Variants in FER observed in about 807,000 individuals in gnomAD.
FER encodes tyrosine-protein kinase Fer.
FER carries 63 observed loss-of-function variants against 111.0 expected under a neutral mutation model. The observed-to-expected ratio is 0.57, with a 90% CI of 0.46 to 0.70. FER has a LOEUF of 0.70. Among genes scored for constraint, FER ranks in the 30% least tolerant of loss-of-function variants. The pLI is 0.00. For synonymous variants in FER, 327 were observed against 313.9 expected, an observed-to-expected ratio of 1.04 and a Z score of -0.44; for missense variants, 914 against 954.0, an observed-to-expected ratio of 0.96 and a Z score of 0.55.
intron 14 of FER, among the ~76,000 whole-genome samples, chr5:109,042,605 A>G (rs1414272082): frequency 1.3e-5 from 2 of 152,226 alleles, no homozygotes; most frequent in African/African-American, 4.8e-5. Flanking sequence ...AGTACATGCC[A>G]GTACCTCTTA....
At chr5:109,159,534 A>C (rs964277970) in intron 17 of FER, among the ~76,000 whole-genome samples, 1 of 152,220 alleles carries the variant, frequency 6.6e-6, no homozygotes, top group African/African-American at 2.4e-5. Flanking sequence ...GAGACAATAC[A>C]TGTCAAGAAA....
chr5:108,952,881 G>A (rs182685034), intron 11 of FER, among the ~76,000 whole-genome samples: 29 of 152,144 alleles, frequency 1.9e-4, no homozygotes, highest in Admixed American at 7.2e-4. Flanking sequence ...TCAACAGGTA[G>A]CATCCTTGTT....
chr5:108,816,790 A>G (rs1470232131), intron 3 of FER, among the ~76,000 whole-genome samples: 2 of 152,118 alleles, frequency 1.3e-5, no homozygotes, highest in Non-Finnish European at 2.9e-5. Flanking sequence ...AGAGCCAATA[A>G]TTGGTATTTT....
chr5:108,785,354 G>T, intron 2 of FER: 1 of 580,556 alleles, frequency 1.7e-6, no homozygotes, highest in South Asian at 1.5e-5. Flanking sequence ...GCTCTGTGCT[G>T]CCATGGGCCC....
chr5:108,794,196 C>T (rs58193244), intron 2 of FER, among the ~76,000 whole-genome samples: 35,001 of 151,172 alleles, frequency 0.23, 4,271 homozygotes, highest in African/African-American at 0.29. Context: ...ATTGATTAAT[C>T]CCCCTTAGCA....
intron 17 of FER, among the ~76,000 whole-genome samples, chr5:109,147,798 TATAGAG>T (rs1203866506): frequency 1.0e-3 from 119 of 116,674 alleles, no homozygotes; most frequent in African/African-American, 2.8e-3. Flanking sequence ...TATATATATA[TATAGAG>T]AGAGAGAGAG....
intron 17 of FER, among the ~76,000 whole-genome samples, chr5:109,120,458 G>T (rs1750827973): frequency 6.6e-6 from 1 of 151,950 alleles, no homozygotes; most frequent in African/African-American, 2.4e-5. Flanking sequence ...AATGGTCTTT[G>T]TGTCTATTTT....
chr5:108,773,142 A>T (rs1753107460), intron 2 of FER, among the ~76,000 whole-genome samples: 1 of 152,118 alleles, frequency 6.6e-6, no homozygotes, highest in Non-Finnish European at 1.5e-5. Context: ...TTTTAGGAAG[A>T]GGTAGGGATA....
chr5:108,766,762 G>C (rs1371983361), intron 1 of FER, among the ~76,000 whole-genome samples: 2 of 152,200 alleles, frequency 1.3e-5, no homozygotes, highest in African/African-American at 4.8e-5. Flanking sequence ...ATGGGAGACA[G>C]AGTAGGCAAA....
At chr5:108,826,427 A>AT (rs1405572006) in intron 3 of FER, among the ~76,000 whole-genome samples, 2 of 151,462 alleles carry the variant, frequency 1.3e-5, no homozygotes, top group East Asian at 3.9e-4. Context: ...ATTTATTTTT[A>AT]TTTTTTGTAG....
chr5:108,779,035 C>G (rs1253707903), intron 2 of FER, among the ~76,000 whole-genome samples: 2 of 148,532 alleles, frequency 1.3e-5, no homozygotes, highest in Admixed American at 1.3e-4. Context: ...AAGTGGATGT[C>G]CAATTGTTCT....
chr5:108,941,102 G>A (rs907587160), intron 10 of FER, among the ~76,000 whole-genome samples: 8 of 152,110 alleles, frequency 5.3e-5, no homozygotes, highest in African/African-American at 1.7e-4. Flanking sequence ...CCTAAAGCTG[G>A]TGGATCAGCT....
At chr5:108,780,892 CT>C (rs945476302) in intron 2 of FER, among the ~76,000 whole-genome samples, 37 of 149,758 alleles carry the variant, frequency 2.5e-4, no homozygotes, top group African/African-American at 7.9e-4. Flanking sequence ...CTTAGATATT[CT>C]TTCCTCAGCT....
chr5:109,037,340 T>C, intron 13 of FER, 82 bp from the exon 14 acceptor site: 1 of 1,143,938 alleles, frequency 8.7e-7, no homozygotes, highest in Non-Finnish European at 1.3e-6. Flanking sequence ...TCCCTTTAGG[T>C]CGACTTTCCA....
At position 109,044,660 on chromosome 5, in the gene FER, G is replaced by C; in HGVS notation, c.1714-20G>C. 1 of 1,228,428 alleles carries C rather than the reference G, an allele frequency of 8.1e-7. No homozygotes were observed. The highest frequency in any genetic ancestry group is 1.1e-6 in the Non-Finnish European group (1 of 871,602). The allele number at this position is 1,228,428 out of a possible 1,614,324, so 76.1% of individuals were successfully genotyped here. On this transcript the variant is annotated intron_variant, in intron 14 of 19. Coordinates refer to ENST00000281092, the MANE Select transcript of FER (RefSeq NM_005246.4). ...CATGCTGTCATTTACCCCAGACAAT[G>C]AATGTATTTCTATTTTCAGGGAAAT... is the stretch of plus-strand genomic sequence containing the variant.
At chr5:108,913,375 G>A (rs556375005) in intron 10 of FER, among the ~76,000 whole-genome samples, 1 of 152,276 alleles carries the variant, frequency 6.6e-6, no homozygotes, top group East Asian at 1.9e-4. Context: ...CTAAGCTAAT[G>A]TATAGGGGTA....
chr5:108,845,040 A>T, intron 5 of FER, among the ~76,000 whole-genome samples: 1 of 54,994 alleles, frequency 1.8e-5, no homozygotes, highest in Non-Finnish European at 3.5e-5. Flanking sequence ...ATATATATAT[A>T]CATATATATA....
At chr5:108,819,959 A>G (rs775607681) in intron 3 of FER, 2 of 985,264 alleles carry the variant, frequency 2.0e-6, no homozygotes, top group Non-Finnish European at 2.4e-6. Flanking sequence ...AAAAATATTG[A>G]GCTGATGGGG....
intron 11 of FER, among the ~76,000 whole-genome samples, chr5:108,948,267 T>A (rs371939873): frequency 1.3e-5 from 2 of 152,102 alleles, no homozygotes; most frequent in East Asian, 3.8e-4. Flanking sequence ...AACGCTTAGA[T>A]CAACAGTCTT....
Sources: allele counts gnomAD v4.1 joint callset (sites outside exome capture counted in the v4.1 genomes callset), GRCh38; gene constraint gnomAD v4.1.1; transcripts MANE v1.5; gene names NCBI Gene and HGNC (gene_info 2026-07-23, HGNC 2026-07-21).